INTS13: variants seen among roughly 807,000 people sequenced by gnomAD.
INTS13 encodes asunder, spermatogenesis regulator homolog (Drosphila).
INTS13 carries 35 observed loss-of-function variants against 90.2 expected under a neutral mutation model. The observed-to-expected ratio is 0.39, with a 90% CI of 0.30 to 0.51. The LOEUF is 0.51. INTS13 is among the 20% of genes least tolerant of loss of function. The pLI is 0.80. For synonymous variants in INTS13, 309 were observed against 277.1 expected (o/e 1.11, Z -1.14); for missense variants, 601 against 851.2 (o/e 0.71, Z 3.66).
chr12:26,913,387 T>TA (rs1951844540), intron 14 of INTS13, 70 bp downstream of exon 14: 1 of 1,111,824 alleles, frequency 9.0e-7, no homozygotes, highest in East Asian at 2.4e-5. Flanking sequence ...TTTGAATGTA[T>TA]GAAAGTGTTC....
intron 6 of INTS13, 116 bp from the exon 7 acceptor site, chr12:26,924,599 G>T: frequency 9.2e-7 from 1 of 1,088,656 alleles, no homozygotes; most frequent in Non-Finnish European, 1.3e-6. Flanking sequence ...TTTAGAAGTT[G>T]GAAAAAAAGG....
intron 8 of INTS13, among the ~76,000 whole-genome samples, chr12:26,921,009 C>T (rs1489578290): frequency 6.6e-6 from 1 of 152,180 alleles, no homozygotes; most frequent in Non-Finnish European, 1.5e-5. Context: ...AACCAAATGT[C>T]AAAGCTTAAA....
chr12:26,925,053 A>G (rs1346051564), intron 6 of INTS13, among the ~76,000 whole-genome samples: 8 of 152,168 alleles, frequency 5.3e-5, no homozygotes, highest in Non-Finnish European at 8.8e-5. Flanking sequence ...TAAAACTAAC[A>G]TTGCCACATT....
In INTS13 at chr12:26,913,477, C is replaced by G. The variant is rs769898393; in HGVS notation, c.1785G>C (p.Lys595Asn). 2.5e-6 allele frequency: 4 copies of G among 1,614,098 alleles called. No individual in the cohort carries two copies. The highest frequency in any genetic ancestry group is 3.4e-6 in the Non-Finnish European group (4 of 1,179,990). The part of the protein sequence containing the change: ...EKAVKDYEQE[K>N]SWQDSERLKG... ...GTCACCTCTCTGAGTCTTGCCAAGA[C>G]TTTTCCTGTTCATAATCTTTCACTG... Residue 595 changes from lysine to asparagine, a missense_variant, in exon 14 of 17, where the codon AAG (lysine) becomes AAC (asparagine). Lys to Asn is a moderately conservative substitution (Grantham distance 94). Transcript: ENST00000261191.
rs141311353 is a variant in INTS13, at chr12:26,930,272, T to C, written c.301-1367A>G. Among the ~76,000 whole-genome samples, 7 of 152,326 alleles carry C rather than the reference T, an allele frequency of 4.6e-5. No homozygotes were observed. In the South Asian group the frequency reaches 1.0e-3, roughly 23 times the overall value. On this transcript the variant is annotated intron_variant, in intron 3 of 16. Coordinates refer to ENST00000261191, the MANE Select transcript of INTS13 (RefSeq NM_018164.3). ...CAGTGTCAACATAATCCCCAACTTC[T>C]TTGTAGTAATTGATAACGTGATTCT...
Position 26,934,645 on chromosome 12 carries a change from AG to A in INTS13, c.226-16del. On this transcript the variant is annotated splice_polypyrimidine_tract_variant and intron_variant, in intron 2 of 16. Transcript: ENST00000261191. ...ATAAAATTCACCTAATAGATTCCAA[AG>A]AAACAATTAGTATTCAACTCTAATT... The A allele has an allele frequency of 1.3e-6, 2 of 1,567,386 alleles. No homozygotes were observed. The highest frequency in any genetic ancestry group is 8.8e-7 in the Non-Finnish European group (1 of 1,139,122).
chr12:26,925,808 A>G lies in INTS13; in HGVS notation c.628T>C (p.Tyr210His). Reference sequence around the variant, plus strand: ...ACAAGGCTGTCTTCACCAACTGGGTAGGTGTGGATCAAGACCAACTCACAT... The same window carrying G: ...ACAAGGCTGTCTTCACCAACTGGGTGGGTGTGGATCAAGACCAACTCACAT... ...QKCELVLIHTYPVGEDSLVSD... is the reference protein window; with the variant it reads ...QKCELVLIHTHPVGEDSLVSD... Residue 210 changes from tyrosine (Y) to histidine (H), a missense_variant, in exon 6 of 17, where the codon TAC becomes CAC. Tyr to His is a moderately conservative substitution (Grantham distance 83). This residue lies in a region of INTS13 where 284 missense variants were observed against 387.7 expected (regional missense o/e 0.73). Transcript: ENST00000261191. 1 of 1,613,138 alleles carries G rather than the reference A, an allele frequency of 6.2e-7. No individual in the cohort carries two copies. Among genetic ancestry groups the G allele is most frequent in the Non-Finnish European group, 8.5e-7 (1 of 1,179,432 alleles).
In INTS13 at chr12:26,921,498, T is replaced by C. The variant is rs190418086; in HGVS notation, c.889+1118A>G. Among the ~76,000 whole-genome samples, 4 of 152,310 alleles carry C rather than the reference T, an allele frequency of 2.6e-5. No individual in the cohort carries two copies. The East Asian group carries it at 5.8e-4, about 22-fold the overall frequency. On this transcript the variant is annotated intron_variant, in intron 8 of 16. Transcript: ENST00000261191. ...TAAATTCCACAGGACACTAGTTCCA[T>C]TGCCATTAATAGGTGATACTGACAG...
chr12:26,924,404 T>C lies in INTS13; in HGVS notation c.755A>G (p.Gln252Arg), dbSNP rs1299925366. 1 of 1,613,372 alleles carries C rather than the reference T, an allele frequency of 6.2e-7. No individual in the cohort carries two copies. The highest frequency in any genetic ancestry group is 1.1e-5 in the South Asian group (1 of 90,974). ...HLATKLNILV[Q>R]QHFDLASTTI... is the part of the protein sequence containing the mutation. ...AGTTGAAGCCAAGTCAAAATGTTGC[T>C]GTACTAAAATATTCAATTTGGTAGC... Residue 252 changes from glutamine to arginine, a missense_variant, in exon 7 of 17, where the codon CAG becomes CGG. Gln to Arg is a conservative substitution (Grantham distance 43, BLOSUM62 1). This residue lies in a region of INTS13 where 284 missense variants were observed against 387.7 expected (regional missense o/e 0.73). Transcript: ENST00000261191.
At chr12:26,905,665 A>G in intron 16 of INTS13, 129 bp from the exon 17 acceptor site, 1 of 914,242 alleles carries the variant, frequency 1.1e-6, no homozygotes, top group Admixed American at 2.7e-5. Flanking sequence ...TTAGGAAAGG[A>G]CTAACATCAG....
Position 26,913,552 on chromosome 12 carries a change from T to C in INTS13, c.1710A>G (p.Arg570=), listed in dbSNP as rs1168600169. 2.5e-6 allele frequency: 4 copies of C among 1,614,162 alleles called. No individual in the cohort carries two copies. The highest frequency in any genetic ancestry group is 3.4e-6 in the Non-Finnish European group (4 of 1,180,028). Residue 570 remains arginine, a synonymous_variant, in exon 14 of 17, where the codon CGA becomes CGG. Coordinates refer to ENST00000261191, the MANE Select transcript of INTS13 (RefSeq NM_018164.3). ...CRSKPPEEEE[R]KKRGRKREDK... is the part of the protein sequence containing the mutation. ...CTTCCCTCTTTCTTCCTCGTTTCTT[T>C]CGTTCTTCCTCTTCTGGGGGTTTGC...
intron 3 of INTS13, among the ~76,000 whole-genome samples, chr12:26,929,881 T>TA (rs879864529): frequency 4.6e-5 from 7 of 151,714 alleles, no homozygotes; most frequent in Non-Finnish European, 7.4e-5. Context: ...AAGAAAGAGG[T>TA]AAAACTCTAT....
At chr12:26,906,602 T>G (rs745776313) in intron 15 of INTS13, 165 bp from the exon 16 acceptor site, 3 of 714,470 alleles carry the variant, frequency 4.2e-6, no homozygotes, top group Non-Finnish European at 6.6e-6. Flanking sequence ...ATTTTCCTCT[T>G]ACTCTAAAAT....
At chr12:26,931,228 A>C (rs1001915039) in intron 3 of INTS13, among the ~76,000 whole-genome samples, 5 of 152,066 alleles carry the variant, frequency 3.3e-5, no homozygotes, top group African/African-American at 1.2e-4. Flanking sequence ...AGATCGCTTG[A>C]GGTTAGGAGA....
At chr12:26,911,359 TA>T in intron 14 of INTS13, 42 bp from the exon 15 acceptor site, 1 of 1,550,594 alleles carries the variant, frequency 6.4e-7, no homozygotes, top group Non-Finnish European at 8.7e-7. Flanking sequence ...TTCAAATTTT[TA>T]GAAGTCTAAT....
intron 8 of INTS13, among the ~76,000 whole-genome samples, chr12:26,918,711 A>G (rs1465028825): frequency 6.6e-6 from 1 of 152,246 alleles, no homozygotes; most frequent in African/African-American, 2.4e-5. Context: ...TTAATCTAAT[A>G]ATAATGAACA....
At chr12:26,906,199 A>G (rs1951602670) in intron 16 of INTS13, 103 bp downstream of exon 16, 2 of 1,115,900 alleles carry the variant, frequency 1.8e-6, no homozygotes, top group Non-Finnish European at 2.5e-6. Flanking sequence ...TTAGTTCATA[A>G]TATTAGTAAT....
chr12:26,933,677 G>T (rs1436231837), intron 3 of INTS13, among the ~76,000 whole-genome samples: 1 of 152,176 alleles, frequency 6.6e-6, no homozygotes, highest in Non-Finnish European at 1.5e-5. Context: ...TGATAGGAGT[G>T]CAGTGGGCCT....
chr12:26,934,486 T>C, intron 3 of INTS13, 70 bp downstream of exon 3: 2 of 1,122,038 alleles, frequency 1.8e-6, no homozygotes, highest in Admixed American at 2.0e-5. Context: ...AAAAAATTAG[T>C]CATTTTTTTA....
Sources: allele counts gnomAD v4.1 joint callset (sites outside exome capture counted in the v4.1 genomes callset), GRCh38; gene constraint gnomAD v4.1.1; regional missense constraint gnomAD v4.1.1; transcripts MANE v1.5; gene names NCBI Gene and HGNC (gene_info 2026-07-23, HGNC 2026-07-21).